The following KHDRBS3 variants were observed in gnomAD, a reference collection of about 807,000 sequenced individuals.
KHDRBS3 encodes the protein KH domain-containing, RNA-binding, signal transduction-associated protein 3.
Under a neutral mutation model 45.6 loss-of-function variants are expected in KHDRBS3, and 23 were observed. The observed-to-expected ratio is 0.50, with a 90% CI of 0.36 to 0.72. The LOEUF (loss-of-function observed/expected upper bound fraction) is 0.72. Ranked by LOEUF, KHDRBS3 falls within the 30% of genes least tolerant of loss-of-function variation. The probability of loss-of-function intolerance (pLI) is 0.00; values close to 1 mark genes in which losing one functional copy is unlikely to be tolerated. For synonymous variants in KHDRBS3, 162 were observed against 156.5 expected (o/e 1.04, Z -0.26); for missense variants, 352 against 424.8 (o/e 0.83, Z 1.51).
intron 7 of KHDRBS3, among the ~76,000 whole-genome samples, chr8:135,608,396 A>G (rs1006575800): frequency 2.6e-5 from 4 of 152,200 alleles, no homozygotes; most frequent in Admixed American, 6.5e-5. Context: ...AGTGCATACT[A>G]TATTCCTGGC....
chr8:135,588,107 A>G (rs146518771), intron 6 of KHDRBS3, among the ~76,000 whole-genome samples: 72 of 152,286 alleles, frequency 4.7e-4, no homozygotes, highest in Middle Eastern at 3.4e-3. Context: ...GCTTAGTCCC[A>G]CTTGAGGTGC....
chr8:135,482,558 C>T (rs1822636287), intron 1 of KHDRBS3, among the ~76,000 whole-genome samples: 1 of 152,122 alleles, frequency 6.6e-6, no homozygotes, highest in African/African-American at 2.4e-5. Context: ...CCAAATGTAC[C>T]TACGTGTCAT....
intron 6 of KHDRBS3, among the ~76,000 whole-genome samples, chr8:135,588,064 T>C (rs1285244369): frequency 3.3e-5 from 5 of 152,212 alleles, no homozygotes; most frequent in African/African-American, 1.2e-4. Context: ...TGACGCCATT[T>C]ACCAGGAGTT....
chr8:135,480,755 A>G (rs1036045880), intron 1 of KHDRBS3, among the ~76,000 whole-genome samples: 3 of 152,214 alleles, frequency 2.0e-5, no homozygotes, highest in Non-Finnish European at 4.4e-5. Flanking sequence ...GAAATTTTAT[A>G]TTAAGTTTAA....
At chr8:135,563,983 T>G (rs1036327575) in intron 5 of KHDRBS3, among the ~76,000 whole-genome samples, 11 of 152,206 alleles carry the variant, frequency 7.2e-5, no homozygotes, top group African/African-American at 2.7e-4. Flanking sequence ...TCCCAGATAT[T>G]GGTGCTTAAT....
At chr8:135,513,584 T>C (rs1453633391) in intron 1 of KHDRBS3, among the ~76,000 whole-genome samples, 2 of 152,062 alleles carry the variant, frequency 1.3e-5, no homozygotes, top group African/African-American at 2.4e-5. Context: ...ATGTTTTTGT[T>C]TTTTTTTACT....
chr8:135,473,036 G>GTT (rs5895311), intron 1 of KHDRBS3, among the ~76,000 whole-genome samples: 1 of 142,518 alleles, frequency 7.0e-6, no homozygotes, highest in Admixed American at 6.9e-5. Flanking sequence ...TATTTGAAAA[G>GTT]TTTTTTTTTT....
intron 1 of KHDRBS3, among the ~76,000 whole-genome samples, chr8:135,464,742 T>G: frequency 6.6e-6 from 1 of 152,214 alleles, no homozygotes; most frequent in East Asian, 1.9e-4. Flanking sequence ...TTAACAGTCT[T>G]AAAAGAGTAA....
chr8:135,549,115 A>G (rs1363629970), intron 4 of KHDRBS3: 1 of 354,064 alleles, frequency 2.8e-6, no homozygotes, highest in Non-Finnish European at 5.0e-6. Context: ...AGATTTAATA[A>G]TATGGCCAAG....
chr8:135,485,090 T>G (rs1224137277), intron 1 of KHDRBS3, among the ~76,000 whole-genome samples: 1 of 152,158 alleles, frequency 6.6e-6, no homozygotes, highest in Admixed American at 6.5e-5. Context: ...TCAATTATCC[T>G]TCTTACTCAG....
At chr8:135,512,056 A>G (rs893468932) in intron 1 of KHDRBS3, among the ~76,000 whole-genome samples, 1 of 152,174 alleles carries the variant, frequency 6.6e-6, no homozygotes, top group Non-Finnish European at 1.5e-5. Context: ...GTATGAATCA[A>G]TCTAGTTTGG....
At chr8:135,484,685 C>T (rs187242506) in intron 1 of KHDRBS3, among the ~76,000 whole-genome samples, 6 of 152,308 alleles carry the variant, frequency 3.9e-5, no homozygotes, top group African/African-American at 1.4e-4. Flanking sequence ...TGAATATTCA[C>T]AGCTCCTCCT....
chr8:135,633,887 C>T (rs2131151221), intron 7 of KHDRBS3, among the ~76,000 whole-genome samples: 1 of 152,306 alleles, frequency 6.6e-6, no homozygotes, highest in Non-Finnish European at 1.5e-5. Context: ...GATCATCACT[C>T]AAAGCCCTTA....
At chr8:135,470,944 G>A (rs544625156) in intron 1 of KHDRBS3, among the ~76,000 whole-genome samples, 1 of 152,162 alleles carries the variant, frequency 6.6e-6, no homozygotes, top group Non-Finnish European at 1.5e-5. Context: ...TAGTAAGCTT[G>A]AATAGCTTCA....
chr8:135,579,021 G>A (rs942631959), intron 5 of KHDRBS3, among the ~76,000 whole-genome samples: 11 of 152,034 alleles, frequency 7.2e-5, no homozygotes, highest in Admixed American at 1.3e-4. Context: ...GCATTTGACT[G>A]GTAACCTTTT....
chr8:135,533,298 GC>G (rs1042091867), intron 2 of KHDRBS3, among the ~76,000 whole-genome samples: 1 of 152,100 alleles, frequency 6.6e-6, no homozygotes, highest in Non-Finnish European at 1.5e-5. Context: ...CTTCTTTTGT[GC>G]CTAGTACAAC....
intron 7 of KHDRBS3, among the ~76,000 whole-genome samples, chr8:135,619,592 TAA>T (rs751985589): frequency 1.3e-5 from 2 of 152,226 alleles, no homozygotes; most frequent in Non-Finnish European, 2.9e-5. Context: ...GGGGTTGTTG[TAA>T]AGTTAAGCGA....
At position 135,638,119 on chromosome 8, in the gene KHDRBS3, C is replaced by A. The variant is rs139404623; in HGVS notation, c.891-6940C>A. On this transcript the variant is annotated intron_variant, in intron 7 of 8. Transcript: ENST00000355849. ...AGAGTGGCTTAGGGAAGATTTAACC[C>A]CCACATCAATGGCTATAAAGGATAG... Among the ~76,000 whole-genome samples, 5 of 152,214 alleles carry A rather than the reference C, an allele frequency of 3.3e-5. No individual in the cohort carries two copies. The East Asian group carries it at 9.7e-4, about 29-fold the overall frequency.
At chr8:135,574,840 A>G (rs1279909031) in intron 5 of KHDRBS3, among the ~76,000 whole-genome samples, 1 of 152,180 alleles carries the variant, frequency 6.6e-6, no homozygotes, top group Non-Finnish European at 1.5e-5. Context: ...TAAACTGTTG[A>G]TTTTTATTGA....
Sources: allele counts gnomAD v4.1 joint callset (sites outside exome capture counted in the v4.1 genomes callset), GRCh38; gene constraint gnomAD v4.1.1; transcripts MANE v1.5; gene names NCBI Gene and HGNC (gene_info 2026-07-23, HGNC 2026-07-21).